The following SDHB variants were observed in gnomAD, a reference collection of about 807,000 sequenced individuals.
The protein encoded by SDHB is succinate dehydrogenase complex iron sulfur subunit B.
A neutral mutation model predicts 39.7 loss-of-function variants in SDHB; 21 were observed. That is an observed-to-expected ratio of 0.53 (90% CI 0.37 to 0.76). SDHB has a LOEUF of 0.76. Among genes scored for constraint, SDHB ranks in the 30% least tolerant of loss-of-function variants. SDHB has a pLI of 0.00. For missense variants in SDHB, 343 were observed against 350.9 expected, an observed-to-expected ratio of 0.98 and a Z score of 0.18; for synonymous variants, 118 against 117.0, an observed-to-expected ratio of 1.01 and a Z score of -0.06.
intron 1 of SDHB, 112 bp downstream of exon 1, chr1:17,053,836 C>CA: frequency 1.3e-6 from 1 of 784,506 alleles, no homozygotes; most frequent in Non-Finnish European, 2.2e-6. Flanking sequence ...GGAGGTCCTC[C>CA]ATCTCCCTGA....
At chr1:17,050,514 G>A (rs1019227351) in intron 1 of SDHB, among the ~76,000 whole-genome samples, 2 of 152,010 alleles carry the variant, frequency 1.3e-5, no homozygotes, top group Non-Finnish European at 2.9e-5. Flanking sequence ...AGACAGGCAC[G>A]ATGGCGGGCA....
Position 17,024,015 on chromosome 1 carries a change from C to T in SDHB, c.600G>A (p.Trp200Ter), listed in dbSNP as rs397516836. The T allele has an allele frequency of 6.2e-7, 1 of 1,614,078 alleles. No homozygotes were observed. The highest frequency in any genetic ancestry group is 8.5e-7 in the Non-Finnish European group (1 of 1,180,010). ...ACCSTSCPSY[W>*]WNGDKYLGPA... ...GCCCCAGATATTTGTCTCCGTTCCA[C>T]CAGTAGCTGGGGCAGCTGGTGCTAC... Residue 200 changes from tryptophan to a stop codon, truncating the protein, a stop_gained, in exon 6 of 8, where the codon TGG (tryptophan) becomes TGA (stop). Coordinates refer to ENST00000375499, the MANE Select transcript of SDHB (RefSeq NM_003000.3). LOFTEE classifies it high-confidence loss of function.
At chr1:17,026,115 G>A (rs944223352) in intron 5 of SDHB, among the ~76,000 whole-genome samples, 1 of 152,232 alleles carries the variant, frequency 6.6e-6, no homozygotes, top group African/African-American at 2.4e-5. Context: ...ACATCAGGGA[G>A]ATGTTCACTA....
At chr1:17,039,745 G>A (rs2078070489) in intron 2 of SDHB, among the ~76,000 whole-genome samples, 1 of 152,058 alleles carries the variant, frequency 6.6e-6, no homozygotes, top group Admixed American at 6.6e-5. Flanking sequence ...ATTATTATAG[G>A]TCTATTTACC....
At chr1:17,023,915 T>C (rs2077976877) in intron 6 of SDHB, 58 bp downstream of exon 6, 5 of 1,333,410 alleles carry the variant, frequency 3.7e-6, no homozygotes, top group Non-Finnish European at 5.4e-6. Context: ...TATTGTCCTC[T>C]TGGACTTCTG....
chr1:17,020,343 C>G (rs2077954775), intron 7 of SDHB, among the ~76,000 whole-genome samples: 1 of 152,184 alleles, frequency 6.6e-6, no homozygotes, highest in South Asian at 2.1e-4. Flanking sequence ...GAGTCACTCC[C>G]CTCCCCACCT....
At chr1:17,021,574 A>C (rs1399051518) in intron 7 of SDHB, among the ~76,000 whole-genome samples, 1 of 151,948 alleles carries the variant, frequency 6.6e-6, no homozygotes. Flanking sequence ...GAGAAACCCT[A>C]TCTCTACTAA....
At chr1:17,030,788 TCTC>T (rs1445666777) in intron 3 of SDHB, among the ~76,000 whole-genome samples, 2 of 151,974 alleles carry the variant, frequency 1.3e-5, no homozygotes, top group Non-Finnish European at 2.9e-5. Flanking sequence ...TTCAAGTGAT[TCTC>T]CTGCCTCAGC....
chr1:17,047,696 A>AAG (rs1408023385), intron 1 of SDHB, among the ~76,000 whole-genome samples: 6 of 151,294 alleles, frequency 4.0e-5, no homozygotes, highest in Non-Finnish European at 7.4e-5. Context: ...AAAAAAAAAA[A>AAG]AGAGAGAGAG....
At chr1:17,046,533 T>C (rs1049671561) in intron 1 of SDHB, among the ~76,000 whole-genome samples, 2 of 152,156 alleles carry the variant, frequency 1.3e-5, no homozygotes, top group Non-Finnish European at 2.9e-5. Flanking sequence ...TAAGTCCCCT[T>C]TTCCTACCCT....
intron 2 of SDHB, among the ~76,000 whole-genome samples, chr1:17,034,398 C>T (rs1219525111): frequency 6.6e-6 from 1 of 152,106 alleles, no homozygotes; most frequent in African/African-American, 2.4e-5. Flanking sequence ...ATCCTCCTGC[C>T]TTGGATTCTC....
At chr1:17,023,603 C>T (rs924762275) in intron 6 of SDHB, among the ~76,000 whole-genome samples, 1 of 152,240 alleles carries the variant, frequency 6.6e-6, no homozygotes, top group Non-Finnish European at 1.5e-5. Flanking sequence ...AGCTGGGCAG[C>T]TGCCCTTCAA....
Position 17,033,141 on chromosome 1 carries a change from C to T in SDHB, c.205G>A (p.Gly69Ser), listed in dbSNP as rs1131691048. Residue 69 changes from glycine (G) to serine (S), a missense_variant, in exon 3 of 8, where the codon GGC becomes AGC. Coordinates refer to ENST00000375499, the MANE Select transcript of SDHB (RefSeq NM_003000.3). ...QTYEVDLNKC[G>S]PMVLDALIKI... The stretch of plus-strand genomic sequence containing the variant: ...ATTAAAGCATCCAATACCATGGGGC[C>T]ACATCTAACAAAGAAAAATATCCAG... The T allele has an allele frequency of 1.2e-6, 2 of 1,609,864 alleles. No homozygotes were observed.
chr1:17,027,532 G>A lies in SDHB; in HGVS notation c.540+217C>T. 7.2e-6 allele frequency: 4 copies of A among 553,086 alleles called. No homozygotes were observed. In the South Asian group the frequency reaches 7.8e-5, roughly 11 times the overall value. The allele number at this position is 553,086 out of a possible 1,614,324, so 34.3% of individuals were successfully genotyped here. ...AGCAACCACCCGCCCCTGCAGGCGG[G>A]GCACAGGGCTCTAGCTCCTTGGTCC... On this transcript the variant is annotated intron_variant, in intron 5 of 7. Coordinates refer to ENST00000375499, the MANE Select transcript of SDHB (RefSeq NM_003000.3).
In SDHB at chr1:17,018,938, A is replaced by G. The variant is rs768118230; in HGVS notation, c.786T>C (p.Ala262=). The G allele has an allele frequency of 6.2e-7, 1 of 1,612,312 alleles. No homozygotes were observed. The highest frequency in any genetic ancestry group is 8.5e-7 in the Non-Finnish European group (1 of 1,178,700). The part of the protein sequence containing the change: ...TCPKGLNPGK[A]IAEIKKMMAT... The stretch of plus-strand genomic sequence containing the variant: ...CCATCATTTTCTTGATCTCTGCAAT[A>G]GCTTTCCCTGGATTCAGACCCTTGA... Residue 262 remains alanine (A), a synonymous_variant, in exon 8 of 8, where the codon GCT becomes GCC. Transcript: ENST00000375499.
chr1:17,032,807 A>T, intron 3 of SDHB: 1 of 538,662 alleles, frequency 1.9e-6, no homozygotes, highest in Non-Finnish European at 3.3e-6. Flanking sequence ...AGCGTGGAGC[A>T]GCTCACAGGG....
chr1:17,037,281 G>A (rs180892297), intron 2 of SDHB, among the ~76,000 whole-genome samples: 1 of 151,758 alleles, frequency 6.6e-6, no homozygotes, highest in African/African-American at 2.4e-5. Context: ...TAGTTCCTAG[G>A]GGGCAATGTC....
chr1:17,026,411 C>T (rs1345972624), intron 5 of SDHB, among the ~76,000 whole-genome samples: 1 of 152,082 alleles, frequency 6.6e-6, no homozygotes, highest in Non-Finnish European at 1.5e-5. Flanking sequence ...GTTGCCCAGG[C>T]TGAAGTACAG....
chr1:17,020,694 G>C (rs1012917854), intron 7 of SDHB, among the ~76,000 whole-genome samples: 2 of 152,090 alleles, frequency 1.3e-5, no homozygotes, highest in African/African-American at 4.8e-5. Context: ...GACATTTATT[G>C]GGTGCTTACT....
Sources: gnomAD v4.1 joint callset for allele counts (sites outside exome capture counted in the v4.1 genomes callset) on GRCh38, gnomAD v4.1.1 for gene constraint, MANE v1.5 for transcripts, NCBI Gene and HGNC (gene_info 2026-07-23, HGNC 2026-07-21) for gene names.